CACNA2D3: variants seen among roughly 807,000 people sequenced by gnomAD.
CACNA2D3 encodes voltage-dependent calcium channel subunit alpha-2/delta-3.
In CACNA2D3, 60 loss-of-function variants were observed where a neutral mutation model predicts 160.6. That is an observed-to-expected ratio of 0.37 (90% CI 0.30 to 0.46). CACNA2D3 has a LOEUF of 0.46. Ranked by LOEUF, CACNA2D3 falls within the 20% of genes least tolerant of loss-of-function variation. The pLI is 1.00. For synonymous variants in CACNA2D3, 558 were observed against 492.9 expected, an observed-to-expected ratio of 1.13 and a Z score of -1.75; for missense variants, 1,205 against 1,365.0, an observed-to-expected ratio of 0.88 and a Z score of 1.85.
intron 20 of CACNA2D3, among the ~76,000 whole-genome samples, chr3:54,879,888 T>C (rs1699750915): frequency 6.6e-6 from 1 of 152,252 alleles, no homozygotes; most frequent in South Asian, 2.1e-4. Flanking sequence ...TTGTTTCTCT[T>C]TGTAACAGTC....
chr3:54,979,584 G>T (rs1702463175), intron 29 of CACNA2D3, among the ~76,000 whole-genome samples: 1 of 152,036 alleles, frequency 6.6e-6, no homozygotes, highest in South Asian at 2.1e-4. Flanking sequence ...AAAACAAAAA[G>T]GATCAGCAAT....
In CACNA2D3 at chr3:54,911,351, C is replaced by CTTTT. The variant is rs58289082; in HGVS notation, c.2449+11502_2449+11505dup. ...CCTCCTCCCCCTCCTTCTTTGTCGTCTTTTTTTTTTTTTTTTTTTTTTAAA... is the reference window on the plus strand; with the variant it reads ...CCTCCTCCCCCTCCTTCTTTGTCGTCTTTTTTTTTTTTTTTTTTTTTTTTTTAAA... On this transcript the variant is annotated intron_variant, in intron 27 of 37. Coordinates refer to ENST00000474759, the MANE Select transcript of CACNA2D3 (RefSeq NM_018398.3). 6.8e-5 allele frequency among the ~76,000 whole-genome samples: 4 copies of CTTTT among 58,584 alleles called. 2 individuals are homozygous for CTTTT. The highest frequency in any genetic ancestry group is 1.3e-3 in the East Asian group (2 of 1,550). The allele number at this position is 58,584 out of a possible 152,430, so 38.4% of individuals were successfully genotyped here.
At chr3:54,684,916 A>G (rs188172697) in intron 11 of CACNA2D3, among the ~76,000 whole-genome samples, 2 of 152,108 alleles carry the variant, frequency 1.3e-5, no homozygotes, top group Non-Finnish European at 2.9e-5. Flanking sequence ...TCTCGTTTAC[A>G]TAATGCATGC....
At chr3:54,193,124 C>G (rs1576990493) in intron 2 of CACNA2D3, among the ~76,000 whole-genome samples, 2 of 152,170 alleles carry the variant, frequency 1.3e-5, no homozygotes, top group African/African-American at 2.4e-5. Context: ...TATCGAACCC[C>G]TTTTACAGGT....
intron 2 of CACNA2D3, among the ~76,000 whole-genome samples, chr3:54,225,451 A>G (rs574812002): frequency 1.3e-5 from 2 of 152,272 alleles, no homozygotes; most frequent in African/African-American, 2.4e-5. Flanking sequence ...CCTTTTCACA[A>G]TATCCTCTGT....
chr3:54,854,904 T>C (rs1383459706), intron 17 of CACNA2D3, among the ~76,000 whole-genome samples: 1 of 152,196 alleles, frequency 6.6e-6, no homozygotes, highest in Non-Finnish European at 1.5e-5. Context: ...TACCCACCTC[T>C]GTGAGCCCAT....
chr3:55,000,132 G>T (rs1325997834), intron 31 of CACNA2D3, among the ~76,000 whole-genome samples: 1 of 152,168 alleles, frequency 6.6e-6, no homozygotes, highest in Non-Finnish European at 1.5e-5. Flanking sequence ...CCAGTCTTGG[G>T]CTGGGCATGA....
chr3:54,323,831 A>G (rs1704064588), intron 3 of CACNA2D3, among the ~76,000 whole-genome samples: 1 of 151,972 alleles, frequency 6.6e-6, no homozygotes, highest in African/African-American at 2.4e-5. Context: ...TATCACTCTG[A>G]TGCGCCACAC....
chr3:54,771,651 ATC>A (rs1282635321), intron 13 of CACNA2D3, among the ~76,000 whole-genome samples: 1 of 152,190 alleles, frequency 6.6e-6, no homozygotes. Context: ...GCAAAAATAC[ATC>A]TCTCTGATGC....
intron 2 of CACNA2D3, among the ~76,000 whole-genome samples, chr3:54,164,190 G>A (rs1222133452): frequency 1.3e-5 from 2 of 152,214 alleles, no homozygotes; most frequent in Non-Finnish European, 2.9e-5. Flanking sequence ...CTGTGTGTGA[G>A]GGAAATCAGA....
intron 35 of CACNA2D3, among the ~76,000 whole-genome samples, chr3:55,044,497 G>A (rs771395529): frequency 2.0e-5 from 3 of 151,916 alleles, no homozygotes; most frequent in Non-Finnish European, 4.4e-5. Flanking sequence ...CTTTTTTATA[G>A]CATCTTAGAC....
intron 27 of CACNA2D3, among the ~76,000 whole-genome samples, chr3:54,939,628 C>T (rs77425672): frequency 0.021 from 3,230 of 152,316 alleles, 115 homozygotes; most frequent in African/African-American, 0.07. Flanking sequence ...TTAGCAATAA[C>T]CTGGTCCATC....
chr3:54,893,259 G>T (rs770346714), intron 25 of CACNA2D3, among the ~76,000 whole-genome samples: 5 of 152,034 alleles, frequency 3.3e-5, no homozygotes, highest in Non-Finnish European at 5.9e-5. Context: ...CTGGGCAACA[G>T]AGTGAGACTC....
At chr3:54,287,674 A>G (rs1323473137) in intron 2 of CACNA2D3, among the ~76,000 whole-genome samples, 3 of 144,218 alleles carry the variant, frequency 2.1e-5, no homozygotes, top group African/African-American at 7.7e-5. Context: ...ACATACTTGG[A>G]AGTAAAGCTC....
At chr3:55,051,104 C>T (rs762519716) in intron 35 of CACNA2D3, among the ~76,000 whole-genome samples, 9 of 150,826 alleles carry the variant, frequency 6.0e-5, no homozygotes, top group Admixed American at 2.0e-4. Context: ...TCTCTCAGCT[C>T]GTCAAAGTCA....
chr3:54,547,428 C>T (rs1333456844), intron 5 of CACNA2D3, among the ~76,000 whole-genome samples: 1 of 152,134 alleles, frequency 6.6e-6, no homozygotes, highest in Non-Finnish European at 1.5e-5. Context: ...GGCCAGATCT[C>T]TTGTGAGATT....
chr3:54,718,055 G>A (rs1701096641), intron 11 of CACNA2D3, among the ~76,000 whole-genome samples: 1 of 152,106 alleles, frequency 6.6e-6, no homozygotes, highest in African/African-American at 2.4e-5. Flanking sequence ...AAGTGTTCAA[G>A]ATTTTTGACA....
chr3:55,022,980 A>G (rs908408763), intron 35 of CACNA2D3, among the ~76,000 whole-genome samples: 1 of 152,024 alleles, frequency 6.6e-6, no homozygotes, highest in African/African-American at 2.4e-5. Context: ...TTATATGTTT[A>G]TAGTTACTCT....
intron 27 of CACNA2D3, among the ~76,000 whole-genome samples, chr3:54,910,565 C>A (rs1289069901): frequency 3.9e-5 from 6 of 152,158 alleles, no homozygotes; most frequent in Non-Finnish European, 7.3e-5. Context: ...CCTCCTAGGT[C>A]TCGTTTGCTG....
Sources: allele counts gnomAD v4.1 joint callset (sites outside exome capture counted in the v4.1 genomes callset), GRCh38; gene constraint gnomAD v4.1.1; transcripts MANE v1.5; gene names NCBI Gene and HGNC (gene_info 2026-07-23, HGNC 2026-07-21).